Variants in HHIP observed in about 807,000 individuals in gnomAD.
The protein encoded by HHIP is hedgehog-interacting protein.
In HHIP, 12 loss-of-function variants were observed where a neutral mutation model predicts 74.0. That is an observed-to-expected ratio of 0.16 (90% CI 0.10 to 0.26). The LOEUF (loss-of-function observed/expected upper bound fraction) is 0.26. Among genes scored for constraint, HHIP ranks in the 10% least tolerant of loss-of-function variants. HHIP has a pLI of 1.00. For synonymous variants in HHIP, 309 were observed against 311.6 expected, an observed-to-expected ratio of 0.99 and a Z score of 0.09; for missense variants, 788 against 845.0, an observed-to-expected ratio of 0.93 and a Z score of 0.84.
At position 144,659,793 on chromosome 4, in the gene HHIP, G is replaced by A; in HGVS notation, c.786G>A (p.Lys262=). 6.2e-7 allele frequency: 1 copy of A among 1,611,074 alleles called. No homozygotes were observed. Among genetic ancestry groups the A allele is most frequent in the Admixed American group, 1.7e-5 (1 of 59,344 alleles). ...KILTPEGEIF[K]EPYLDIHKLV... is the part of the protein sequence containing the mutation. The stretch of plus-strand genomic sequence containing the variant: ...TTACCCCTGAAGGAGAAATTTTCAA[G>A]GAGCCTTATTTGGACATTCACAAAC... Residue 262 remains lysine, a synonymous_variant, in exon 4 of 13, where the codon AAG becomes AAA. Coordinates refer to ENST00000296575, the MANE Select transcript of HHIP (RefSeq NM_022475.3).
intron 4 of HHIP, among the ~76,000 whole-genome samples, chr4:144,698,642 A>C (rs181725030): frequency 6.6e-6 from 1 of 152,216 alleles, no homozygotes; most frequent in East Asian, 1.9e-4. Flanking sequence ...CTAAGTTTAA[A>C]GGAAAACCAA....
chr4:144,659,588 A>T, intron 3 of HHIP, 49 bp from the exon 4 acceptor site: 1 of 1,259,328 alleles, frequency 7.9e-7, no homozygotes, highest in Non-Finnish European at 1.1e-6. Flanking sequence ...TGCATCCCTT[A>T]TCTCCTTCAT....
intron 12 of HHIP, among the ~76,000 whole-genome samples, chr4:144,736,855 T>C (rs754143787): frequency 1.3e-5 from 2 of 152,018 alleles, no homozygotes; most frequent in Non-Finnish European, 2.9e-5. Flanking sequence ...AAATTGTTTA[T>C]TTTCTTCTTA....
chr4:144,716,854 G>GAAAAAAAAAAAAAAAAAAAA (rs869028218), intron 10 of HHIP, among the ~76,000 whole-genome samples: 7 of 54,656 alleles, frequency 1.3e-4, no homozygotes, highest in Non-Finnish European at 1.7e-4. Context: ...CGTCTCAAAA[G>GAAAAAAAAAAAAAAAAAAAA]AAAAAAAAAA....
At chr4:144,710,841 A>T (rs1730277094) in intron 7 of HHIP, among the ~76,000 whole-genome samples, 1 of 152,242 alleles carries the variant, frequency 6.6e-6, no homozygotes, top group Admixed American at 6.5e-5. Flanking sequence ...CAGCAGTGCC[A>T]AGATAGAGAA....
At chr4:144,675,941 A>T (rs943345829) in intron 4 of HHIP, among the ~76,000 whole-genome samples, 1 of 152,210 alleles carries the variant, frequency 6.6e-6, no homozygotes, top group African/African-American at 2.4e-5. Flanking sequence ...ATAAGCAGTC[A>T]TAGGAGCCAT....
At chr4:144,737,241 G>A (rs1731144938) in intron 12 of HHIP, among the ~76,000 whole-genome samples, 1 of 152,102 alleles carries the variant, frequency 6.6e-6, no homozygotes, top group Admixed American at 6.6e-5. Context: ...CTGCCCCCTG[G>A]AAGCAAGAGG....
At chr4:144,705,483 T>C (rs1257338045) in intron 4 of HHIP, among the ~76,000 whole-genome samples, 2 of 152,208 alleles carry the variant, frequency 1.3e-5, no homozygotes, top group Non-Finnish European at 2.9e-5. Flanking sequence ...CCATCAGCAG[T>C]TGCAGCGTTC....
At chr4:144,663,186 G>A (rs774675269) in intron 4 of HHIP, among the ~76,000 whole-genome samples, 3 of 152,116 alleles carry the variant, frequency 2.0e-5, no homozygotes, top group Non-Finnish European at 4.4e-5. Flanking sequence ...CTACTCAGAA[G>A]GCTGAGGCAA....
At chr4:144,674,098 C>A (rs1729113242) in intron 4 of HHIP, among the ~76,000 whole-genome samples, 1 of 152,128 alleles carries the variant, frequency 6.6e-6, no homozygotes, top group Admixed American at 6.5e-5. Context: ...CAAAACAATT[C>A]TCTGTTTGGA....
chr4:144,674,040 G>C (rs1412237774), intron 4 of HHIP, among the ~76,000 whole-genome samples: 1 of 152,202 alleles, frequency 6.6e-6, no homozygotes, highest in Non-Finnish European at 1.5e-5. Context: ...GCAGGGCTCT[G>C]TGTTTCCTTG....
At chr4:144,721,627 G>A (rs1390299630) in intron 11 of HHIP, among the ~76,000 whole-genome samples, 2 of 151,290 alleles carry the variant, frequency 1.3e-5, no homozygotes, top group Non-Finnish European at 2.9e-5. Flanking sequence ...CAGGCCGGGC[G>A]TGGTGGCTCA....
At chr4:144,657,880 A>G (rs571669469) in intron 2 of HHIP, among the ~76,000 whole-genome samples, 4 of 152,220 alleles carry the variant, frequency 2.6e-5, no homozygotes, top group Non-Finnish European at 5.9e-5. Context: ...AGGCACTTAT[A>G]TATTTGAAAA....
At chr4:144,666,303 C>A (rs954300531) in intron 4 of HHIP, among the ~76,000 whole-genome samples, 1 of 144,950 alleles carries the variant, frequency 6.9e-6, no homozygotes, top group African/African-American at 2.5e-5. Context: ...GTGATGAGAA[C>A]ACTTAAGAAA....
In HHIP at chr4:144,734,738, T is replaced by C; in HGVS notation, c.1761-3T>C. The C allele has an allele frequency of 1.3e-6, 2 of 1,565,330 alleles. No homozygotes were observed. The highest frequency in any genetic ancestry group is 1.7e-6 in the Non-Finnish European group (2 of 1,143,928). On this transcript the variant is annotated splice_region_variant and splice_polypyrimidine_tract_variant and intron_variant, in intron 11 of 12. Transcript: ENST00000296575. Reference sequence around the variant, plus strand: ...CACTTTCAACTATTGTGTTTTAATGTAGACCTTTAATGCCTGAGGAATGCA... The same window carrying C: ...CACTTTCAACTATTGTGTTTTAATGCAGACCTTTAATGCCTGAGGAATGCA...
chr4:144,653,385 T>C (rs914945367), intron 2 of HHIP, among the ~76,000 whole-genome samples: 3 of 152,160 alleles, frequency 2.0e-5, no homozygotes, highest in African/African-American at 7.2e-5. Context: ...GTCAAACACC[T>C]TAATCAAAGT....
intron 11 of HHIP, among the ~76,000 whole-genome samples, chr4:144,721,302 C>T (rs889119371): frequency 6.6e-6 from 1 of 151,918 alleles, no homozygotes; most frequent in Non-Finnish European, 1.5e-5. Flanking sequence ...CAGACACACA[C>T]AAAAACACAC....
chr4:144,727,789 A>G (rs113817585), intron 11 of HHIP, among the ~76,000 whole-genome samples: 3,063 of 152,280 alleles, frequency 0.02, 105 homozygotes, highest in African/African-American at 0.069. Context: ...CCTTTTAGAT[A>G]TTTGTGTACT....
intron 4 of HHIP, among the ~76,000 whole-genome samples, chr4:144,660,727 C>A (rs911727311): frequency 6.6e-6 from 1 of 152,064 alleles, no homozygotes; most frequent in Non-Finnish European, 1.5e-5. Flanking sequence ...TATATTCCTG[C>A]TATCTATTTC....
Sources: gnomAD v4.1 joint callset for allele counts (sites outside exome capture counted in the v4.1 genomes callset) on GRCh38, gnomAD v4.1.1 for gene constraint, MANE v1.5 for transcripts, NCBI Gene and HGNC (gene_info 2026-07-23, HGNC 2026-07-21) for gene names.